The following NFASC variants were observed in gnomAD, a reference collection of about 807,000 sequenced individuals.
The protein encoded by NFASC is neurofascin, also known as neurofascin homolog.
NFASC carries 43 observed loss-of-function variants against 147.5 expected under a neutral mutation model. The observed-to-expected ratio is 0.29, with a 90% CI of 0.23 to 0.38. The LOEUF is 0.38. Among genes scored for constraint, NFASC ranks in the 10% least tolerant of loss-of-function variants. The pLI is 1.00. For synonymous variants in NFASC, 622 were observed against 665.5 expected (o/e 0.93, Z 1.01); for missense variants, 1,320 against 1,689.0 (o/e 0.78, Z 3.83).
At chr1:204,903,780 T>C (rs1293341762) in intron 1 of NFASC, among the ~76,000 whole-genome samples, 2 of 152,248 alleles carry the variant, frequency 1.3e-5, no homozygotes, top group African/African-American at 4.8e-5. Flanking sequence ...GTAAACTAAG[T>C]ATAGCCAGTA....
At chr1:204,902,896 G>C (rs986059977) in intron 1 of NFASC, among the ~76,000 whole-genome samples, 1 of 152,222 alleles carries the variant, frequency 6.6e-6, no homozygotes, top group African/African-American at 2.4e-5. Flanking sequence ...AGTGAGGCCA[G>C]ACGGCAGGGA....
chr1:204,935,007 C>A (rs2092710023), intron 2 of NFASC, among the ~76,000 whole-genome samples: 1 of 152,182 alleles, frequency 6.6e-6, no homozygotes, highest in African/African-American at 2.4e-5. Flanking sequence ...ATTCATGGTG[C>A]AGTTGGGGAA....
Position 205,015,982 on chromosome 1 carries a change from C to T in NFASC, c.3492-326C>T, listed in dbSNP as rs952431542. Reference sequence around the variant, plus strand: ...GTGGTCTCACAAGCAGTGGCTCTGCCTCACCATGGGGTGGCCATCCTCTGT... The same window carrying T: ...GTGGTCTCACAAGCAGTGGCTCTGCTTCACCATGGGGTGGCCATCCTCTGT... On this transcript the variant is annotated intron_variant, in intron 29 of 29. Coordinates refer to ENST00000339876, the MANE Select transcript of NFASC (RefSeq NM_001005388.3). This position sits in a 1 kb window ranked among gnomAD's most constrained non-coding sequence, Gnocchi z 4.0. 6.6e-6 allele frequency among the ~76,000 whole-genome samples: 1 copy of T among 152,190 alleles called. No homozygotes were observed. The highest frequency in any genetic ancestry group is 1.9e-4 in the East Asian group (1 of 5,152).
Position 204,946,734 on chromosome 1 carries a change from C to T in NFASC, c.91+2328C>T, listed in dbSNP as rs775004301. On this transcript the variant is annotated intron_variant, in intron 3 of 29. Coordinates refer to ENST00000339876, the MANE Select transcript of NFASC (RefSeq NM_001005388.3). Reference sequence around the variant, plus strand: ...ATTTCTATAGAAACAAGTTAAAGTACCTGGCCTTCCTCTGCAAGTGGATGA... The same window carrying T: ...ATTTCTATAGAAACAAGTTAAAGTATCTGGCCTTCCTCTGCAAGTGGATGA... 10 of 519,048 alleles carry T rather than the reference C, an allele frequency of 1.9e-5. No individual in the cohort carries two copies. In the Admixed American group the frequency reaches 1.9e-4, roughly 10 times the overall value. 32.2% of individuals were successfully genotyped at this position (519,048 alleles called of 1,614,324 possible). A position where few individuals can be genotyped will look rare whatever the true frequency, so the allele number is the denominator to read the frequency against.
chr1:204,906,405 T>G (rs2085881527), intron 1 of NFASC, among the ~76,000 whole-genome samples: 1 of 152,228 alleles, frequency 6.6e-6, no homozygotes, highest in Admixed American at 6.5e-5. Flanking sequence ...ACCACTCATC[T>G]TTATTCTGTC....
At chr1:204,951,935 C>A in intron 4 of NFASC, 76 bp from the exon 5 acceptor site, 1 of 1,209,092 alleles carries the variant, frequency 8.3e-7, no homozygotes, top group Non-Finnish European at 1.2e-6. Context: ...TGAAGCTCTT[C>A]ATCTCAGCTG....
At chr1:204,922,813 C>G (rs188091959) in intron 2 of NFASC, among the ~76,000 whole-genome samples, 1 of 152,150 alleles carries the variant, frequency 6.6e-6, no homozygotes, top group African/African-American at 2.4e-5. Context: ...GCAGGACATA[C>G]GGCTGTTGAG....
rs898864499 is a variant in NFASC, at chr1:204,974,918, A to T, written c.1558+95A>T. 175 of 1,326,372 alleles carry T rather than the reference A, an allele frequency of 1.3e-4. No homozygotes were observed. The East Asian group carries it at 4.1e-3, about 31-fold the overall frequency. The allele number at this position is 1,326,372 out of a possible 1,614,324, so 82.2% of individuals were successfully genotyped here. A position where few individuals can be genotyped will look rare whatever the true frequency, so the allele number is the denominator to read the frequency against. On this transcript the variant is annotated intron_variant, in intron 14 of 29. Coordinates refer to ENST00000339876, the MANE Select transcript of NFASC (RefSeq NM_001005388.3). ...ACAATATTCACATTGAAAATGCACC[A>T]CACCTGTCTTTAACCTGGAGTGGGC...
intron 3 of NFASC, among the ~76,000 whole-genome samples, chr1:204,949,103 C>T (rs910047535): frequency 5.3e-5 from 8 of 152,196 alleles, no homozygotes; most frequent in Non-Finnish European, 7.4e-5. Context: ...GGGCAAATGG[C>T]GAAGCAAATG....
intron 1 of NFASC, among the ~76,000 whole-genome samples, chr1:204,896,507 G>A (rs1427054052): frequency 1.3e-5 from 2 of 152,214 alleles, no homozygotes; most frequent in Non-Finnish European, 1.5e-5. Context: ...GTAGAAGGAA[G>A]AAGGTAGAAG....
intron 16 of NFASC, 148 bp downstream of exon 16, chr1:204,976,943 A>G: frequency 7.1e-7 from 1 of 1,412,186 alleles, no homozygotes. Flanking sequence ...TCGTGATGTC[A>G]GGGTTAGGGA....
At chr1:204,920,490 T>A in intron 1 of NFASC, 142 bp from the exon 2 acceptor site, 1 of 344,920 alleles carries the variant, frequency 2.9e-6, no homozygotes, top group Middle Eastern at 6.3e-4. Flanking sequence ...GATGCTGTTA[T>A]GCTATGCAAA....
At position 205,021,443 on chromosome 1, in the gene NFASC, C is replaced by T. The variant is rs960979801; in HGVS notation, c.*4904C>T. The T allele has an allele frequency of 4.6e-5, 7 of 152,644 alleles. No individual in the cohort carries two copies. Among genetic ancestry groups the T allele is most frequent in the African/African-American group, 1.7e-4 (7 of 41,432 alleles). 9.5% of individuals were successfully genotyped at this position (152,644 alleles called of 1,614,324 possible). The stretch of plus-strand genomic sequence containing the variant: ...ATAATGAGGAGAATGGAAATAGGTA[C>T]AAGGCATCTAGCTTAGGACAGAATC... On this transcript the variant is annotated 3_prime_UTR_variant, in exon 30 of 30. Transcript: ENST00000339876.
intron 1 of NFASC, among the ~76,000 whole-genome samples, 200 bp from the exon 2 acceptor site, chr1:204,920,427 CTTTTT>C (rs11381518): frequency 2.0e-4 from 24 of 119,552 alleles, no homozygotes; most frequent in African/African-American, 6.9e-4. Flanking sequence ...AGGATCTGTC[CTTTTT>C]TTTTTTTTTT....
In NFASC at chr1:204,828,793, G is replaced by A. The variant is rs1344888419; in HGVS notation, c.-200+11G>A. On this transcript the variant is annotated intron_variant, in intron 1 of 29. Transcript: ENST00000339876. ...CCCGAGCCCTTGGAGGTAGGCGAGC[G>A]CGAACACCGGAGAGATGGGGGTAGA... 1.7e-5 allele frequency: 17 copies of A among 985,316 alleles called. No individual in the cohort carries two copies. The highest frequency in any genetic ancestry group is 2.0e-5 in the Non-Finnish European group (17 of 829,938). 61.0% of individuals were successfully genotyped at this position (985,316 alleles called of 1,614,324 possible).
At chr1:204,843,712 TTCTC>T (rs1293967802) in intron 1 of NFASC, among the ~76,000 whole-genome samples, 1 of 144,878 alleles carries the variant, frequency 6.9e-6, no homozygotes, top group Non-Finnish European at 1.5e-5. Flanking sequence ...TTCTCTCTCT[TTCTC>T]TCTTTCTTTC....
At chr1:204,853,865 C>T (rs983282210) in intron 1 of NFASC, among the ~76,000 whole-genome samples, 2 of 152,166 alleles carry the variant, frequency 1.3e-5, no homozygotes, top group African/African-American at 4.8e-5. Flanking sequence ...CCCTGGGTCT[C>T]TCCTGGCAAG....
intron 28 of NFASC, among the ~76,000 whole-genome samples, chr1:205,011,411 A>G (rs2096252098): frequency 6.6e-6 from 1 of 152,182 alleles, no homozygotes; most frequent in Non-Finnish European, 1.5e-5. Flanking sequence ...GTTCTGTAAC[A>G]GAGAAAGCCT....
intron 2 of NFASC, among the ~76,000 whole-genome samples, chr1:204,937,464 C>A (rs542483516): frequency 6.6e-6 from 1 of 152,274 alleles, no homozygotes; most frequent in African/African-American, 2.4e-5. Flanking sequence ...TCTATTCATC[C>A]CTCAACCTGC....
Sources: allele counts gnomAD v4.1 joint callset (sites outside exome capture counted in the v4.1 genomes callset), GRCh38; gene constraint gnomAD v4.1.1; non-coding constraint Gnocchi (gnomAD v3.1); transcripts MANE v1.5; gene names NCBI Gene and HGNC (gene_info 2026-07-23, HGNC 2026-07-21).